Variants in SDK1 observed in about 807,000 individuals in gnomAD.
The protein encoded by SDK1 is protein sidekick-1.
Under a neutral mutation model 245.5 loss-of-function variants are expected in SDK1, and 157 were observed. The ratio of observed to expected loss-of-function variants is 0.64; its 90% CI spans 0.56 to 0.73. The LOEUF (loss-of-function observed/expected upper bound fraction) is 0.73, where lower values mean the gene tolerates loss of function less well. SDK1 is among the 30% of genes least tolerant of loss of function. The pLI, the probability that SDK1 is intolerant of heterozygous loss-of-function variation, is 0.00. For missense variants in SDK1, 3,583 were observed against 3,002.3 expected (o/e 1.19, Z -4.52); for synonymous variants, 1,647 against 1,278.5 (o/e 1.29, Z -6.15).
At chr7:4,211,674 A>C (rs531682115) in intron 38 of SDK1, among the ~76,000 whole-genome samples, 1 of 152,006 alleles carries the variant, frequency 6.6e-6, no homozygotes, top group Admixed American at 6.5e-5. Context: ...CAGTGGCACG[A>C]TTTCTGCTCA....
At chr7:3,642,530 C>G (rs766529549) in intron 4 of SDK1, among the ~76,000 whole-genome samples, 7 of 152,132 alleles carry the variant, frequency 4.6e-5, no homozygotes, top group Non-Finnish European at 8.8e-5. Context: ...ACTGCTTTCT[C>G]TGACGATAAA....
intron 14 of SDK1, among the ~76,000 whole-genome samples, chr7:3,992,918 A>G (rs928761012): frequency 5.3e-5 from 8 of 152,204 alleles, no homozygotes; most frequent in African/African-American, 1.7e-4. Context: ...AAATATGGCT[A>G]TTGCTCTGCA....
chr7:3,974,734 A>G (rs981102490), intron 13 of SDK1, 189 bp downstream of exon 13: 42 of 539,082 alleles, frequency 7.8e-5, no homozygotes, highest in Admixed American at 1.7e-4. Context: ...CAACTTCGGA[A>G]TTGAGAAGTT....
At chr7:3,549,482 A>G (rs897449664) in intron 1 of SDK1, among the ~76,000 whole-genome samples, 2 of 152,248 alleles carry the variant, frequency 1.3e-5, no homozygotes, top group African/African-American at 4.8e-5. Flanking sequence ...AATAAAAGTA[A>G]GTTCTTTTCA....
chr7:3,961,071 C>T (rs1781642006), intron 8 of SDK1, among the ~76,000 whole-genome samples: 1 of 152,208 alleles, frequency 6.6e-6, no homozygotes. Flanking sequence ...TGCACGACTT[C>T]TGCAGGGTAA....
At chr7:4,004,385 T>C (rs1285699371) in intron 14 of SDK1, among the ~76,000 whole-genome samples, 1 of 152,230 alleles carries the variant, frequency 6.6e-6, no homozygotes, top group Non-Finnish European at 1.5e-5. Flanking sequence ...GCACCTAATT[T>C]TTCCACTTAA....
Position 3,943,620 on chromosome 7 carries a change from G to A in SDK1, c.848-7303G>A, listed in dbSNP as rs528891302. 1.8e-4 allele frequency among the ~76,000 whole-genome samples: 27 copies of A among 151,558 alleles called. No individual in the cohort carries two copies. The South Asian group carries it at 4.8e-3, about 27-fold the overall frequency. On this transcript the variant is annotated intron_variant, in intron 5 of 44. Coordinates refer to ENST00000404826, the MANE Select transcript of SDK1 (RefSeq NM_152744.4). ...TCGACCGCTCCCCAACCCGGCGCAC[G>A]GTGCGGGGCTGCCGTGGAAGGGGCG...
intron 1 of SDK1, among the ~76,000 whole-genome samples, chr7:3,482,917 T>TC (rs1781562143): frequency 1.3e-5 from 2 of 152,334 alleles, no homozygotes; most frequent in African/African-American, 4.8e-5. Flanking sequence ...AAGTAAACGT[T>TC]AGCTATGATG....
intron 5 of SDK1, among the ~76,000 whole-genome samples, chr7:3,901,747 G>C (rs763072992): frequency 4.6e-5 from 7 of 152,178 alleles, no homozygotes; most frequent in Non-Finnish European, 8.8e-5. Flanking sequence ...CACGATGTTT[G>C]TGTCCTAACT....
intron 7 of SDK1, among the ~76,000 whole-genome samples, chr7:3,952,475 C>T (rs1334901188): frequency 1.3e-5 from 2 of 151,946 alleles, no homozygotes; most frequent in African/African-American, 2.4e-5. Context: ...CCCAGCCACT[C>T]GGGAGGCGGA....
At chr7:3,806,449 G>A (rs1286108873) in intron 4 of SDK1, among the ~76,000 whole-genome samples, 1 of 152,242 alleles carries the variant, frequency 6.6e-6, no homozygotes, top group Non-Finnish European at 1.5e-5. Flanking sequence ...CCAACAGACG[G>A]CTAAAGAGTT....
intron 4 of SDK1, among the ~76,000 whole-genome samples, chr7:3,715,977 T>C (rs751616764): frequency 3.9e-5 from 6 of 152,126 alleles, no homozygotes; most frequent in Non-Finnish European, 5.9e-5. Context: ...AGTGAGTGAA[T>C]TGAAACATTC....
chr7:3,893,774 G>T (rs1306474102), intron 5 of SDK1, among the ~76,000 whole-genome samples: 1 of 151,216 alleles, frequency 6.6e-6, no homozygotes, highest in Non-Finnish European at 1.5e-5. Context: ...ATCTTACCCT[G>T]CCTTCTCCAG....
chr7:4,112,142 A>G (rs1415848685), intron 23 of SDK1, among the ~76,000 whole-genome samples: 1 of 152,150 alleles, frequency 6.6e-6, no homozygotes, highest in Non-Finnish European at 1.5e-5. Context: ...TTTTAGGGAG[A>G]CATGAGACAT....
intron 22 of SDK1, among the ~76,000 whole-genome samples, chr7:4,105,548 A>G (rs2128188795): frequency 6.6e-6 from 1 of 151,588 alleles, no homozygotes; most frequent in South Asian, 2.1e-4. Context: ...CTCGTGATCC[A>G]CCCACCTCAG....
intron 17 of SDK1, among the ~76,000 whole-genome samples, chr7:4,020,963 C>T (rs761666756): frequency 2.6e-5 from 4 of 152,174 alleles, no homozygotes; most frequent in Non-Finnish European, 5.9e-5. Flanking sequence ...TTCGTTTTTC[C>T]ACTGTGATGA....
chr7:4,210,021 C>T lies in SDK1; in HGVS notation c.5402-4C>T. Reference sequence around the variant, plus strand: ...AAAAGTCACTTTGTGTTCTATTCTCCCAGCCCCTGGGGCCCCCAGCTTTCT... The same window carrying T: ...AAAAGTCACTTTGTGTTCTATTCTCTCAGCCCCTGGGGCCCCCAGCTTTCT... On this transcript the variant is annotated splice_polypyrimidine_tract_variant and splice_region_variant and intron_variant, in intron 37 of 44. Transcript: ENST00000404826. The T allele has an allele frequency of 6.4e-7, 1 of 1,573,218 alleles. No homozygotes were observed. Among genetic ancestry groups the T allele is most frequent in the Non-Finnish European group, 8.6e-7 (1 of 1,161,068 alleles).
At chr7:3,784,620 C>G (rs1341956163) in intron 4 of SDK1, among the ~76,000 whole-genome samples, 1 of 152,124 alleles carries the variant, frequency 6.6e-6, no homozygotes, top group East Asian at 1.9e-4. Context: ...ATGGTCACAT[C>G]AGAAATCACT....
intron 1 of SDK1, among the ~76,000 whole-genome samples, chr7:3,405,811 T>G (rs1310710105): frequency 1.4e-5 from 2 of 144,398 alleles, no homozygotes; most frequent in African/African-American, 5.4e-5. Context: ...CTTTTCTTTC[T>G]TTCTTTTTTT....
Sources: allele counts gnomAD v4.1 joint callset (sites outside exome capture counted in the v4.1 genomes callset), GRCh38; gene constraint gnomAD v4.1.1; transcripts MANE v1.5; gene names NCBI Gene and HGNC (gene_info 2026-07-23, HGNC 2026-07-21).